Variants in ZNF362 observed in about 807,000 individuals in gnomAD.
ZNF362 encodes the protein rotund homolog.
A neutral mutation model predicts 42.9 loss-of-function variants in ZNF362; 11 were observed. That is an observed-to-expected ratio of 0.26 (90% CI 0.16 to 0.42). ZNF362 has a LOEUF of 0.42. Among genes scored for constraint, ZNF362 ranks in the 20% least tolerant of loss-of-function variants. The pLI is 1.00. For missense variants in ZNF362, 362 were observed against 576.2 expected, an observed-to-expected ratio of 0.63 and a Z score of 3.81; for synonymous variants, 255 against 257.3, an observed-to-expected ratio of 0.99 and a Z score of 0.09.
chr1:33,270,429 C>T (rs1645893863), intron 1 of ZNF362, 58 bp from the exon 2 acceptor site: 2 of 608,280 alleles, frequency 3.3e-6, no homozygotes, highest in Non-Finnish European at 3.0e-6. Flanking sequence ...TCAATGGTAG[C>T]TGGCACTTTA....
upstream of ZNF362, among the ~76,000 whole-genome samples, chr1:33,256,302 G>T (rs867244101): frequency 4.2e-5 from 6 of 142,644 alleles, no homozygotes; most frequent in Admixed American, 4.1e-4. Flanking sequence ...GCCAGCGCCC[G>T]GCGCTGCCCA....
At chr1:33,244,381 C>T in the ZNF362 span, among the ~76,000 whole-genome samples, 1 of 152,190 alleles carries the variant, frequency 6.6e-6, no homozygotes, top group Non-Finnish European at 1.5e-5. This position sits in a 1 kb window ranked among gnomAD's most constrained non-coding sequence, Gnocchi z 4.0. Flanking sequence ...CACCGGAATG[C>T]CCTCACTAAC....
the ZNF362 span, among the ~76,000 whole-genome samples, chr1:33,159,029 G>T: frequency 6.6e-6 from 1 of 151,824 alleles, no homozygotes; most frequent in East Asian, 1.9e-4. The surrounding 1 kb of genome is among the most constrained non-coding windows in gnomAD (Gnocchi z 4.2). Flanking sequence ...TTTTTTAGTA[G>T]AGACGGGGTT....
chr1:33,185,499 G>T, the ZNF362 span, among the ~76,000 whole-genome samples: 2 of 152,182 alleles, frequency 1.3e-5, no homozygotes, highest in African/African-American at 4.8e-5. Flanking sequence ...TGGGATTATA[G>T]GTGTGAGCCA....
the ZNF362 span, among the ~76,000 whole-genome samples, chr1:33,213,473 C>T: frequency 1.3e-5 from 2 of 152,048 alleles, no homozygotes; most frequent in South Asian, 2.1e-4. Flanking sequence ...AACAAAGAAG[C>T]TGGTAAATGT....
upstream of ZNF362, among the ~76,000 whole-genome samples, chr1:33,251,501 C>T (rs530592080): frequency 6.6e-6 from 1 of 152,306 alleles, no homozygotes; most frequent in East Asian, 1.9e-4. Context: ...CCAGCCCATT[C>T]TCTCCTCAGC....
the ZNF362 span, among the ~76,000 whole-genome samples, chr1:33,205,017 A>G: frequency 6.6e-6 from 1 of 152,190 alleles, no homozygotes; most frequent in Non-Finnish European, 1.5e-5. Context: ...TAAAGACTCA[A>G]ATAAATGGGA....
the ZNF362 span, among the ~76,000 whole-genome samples, chr1:33,240,894 CT>C: frequency 1.3e-5 from 2 of 152,312 alleles, no homozygotes; most frequent in East Asian, 3.9e-4. Flanking sequence ...TTCAATCTCA[CT>C]TTGCTGGTGG....
chr1:33,154,248 A>G, the ZNF362 span, among the ~76,000 whole-genome samples: 1 of 150,830 alleles, frequency 6.6e-6, no homozygotes, highest in Non-Finnish European at 1.5e-5. Context: ...CTGGGAGGCA[A>G]AAGTGCATCC....
At chr1:33,243,152 T>TGTTATGTTATGTTAC in the ZNF362 span, among the ~76,000 whole-genome samples, 5 of 150,468 alleles carry the variant, frequency 3.3e-5, no homozygotes, top group African/African-American at 1.2e-4. Context: ...TGTTATGTTA[T>TGTTATGTTATGTTAC]GTTATGTTGT....
chr1:33,220,668 G>A, the ZNF362 span, among the ~76,000 whole-genome samples: 2 of 152,250 alleles, frequency 1.3e-5, no homozygotes, highest in African/African-American at 4.8e-5. Context: ...TTCTACCACT[G>A]CCCAGCCAGG....
the ZNF362 span, chr1:33,181,548 G>T: frequency 1.4e-6 from 2 of 1,425,852 alleles, no homozygotes; most frequent in Non-Finnish European, 9.1e-7. This position sits in a 1 kb window ranked among gnomAD's most constrained non-coding sequence, Gnocchi z 6.5. Context: ...GCACAGGCAG[G>T]GGTAGGAGCT....
chr1:33,277,671 G>T (rs1220938219), intron 4 of ZNF362, among the ~76,000 whole-genome samples: 1 of 152,192 alleles, frequency 6.6e-6, no homozygotes. Flanking sequence ...TACATTGTGG[G>T]AGAAGAGAGG....
At chr1:33,142,453 G>A in the ZNF362 span, 31,378 of 152,166 alleles carry the variant, frequency 0.21, 3,400 homozygotes, top group South Asian at 0.3. Context: ...GGGACCTAAC[G>A]TTAGACTTAC....
the ZNF362 span, among the ~76,000 whole-genome samples, chr1:33,219,786 C>T: frequency 7.2e-5 from 11 of 152,276 alleles, no homozygotes; most frequent in African/African-American, 2.6e-4. Flanking sequence ...CTCCCCATCT[C>T]TCACACCTGA....
the ZNF362 span, among the ~76,000 whole-genome samples, chr1:33,222,534 G>A: frequency 6.6e-6 from 1 of 152,100 alleles, no homozygotes; most frequent in East Asian, 1.9e-4. Flanking sequence ...CACTGCTTGT[G>A]TAAAATTTTC....
chr1:33,189,671 A>ATATATATATG, the ZNF362 span, among the ~76,000 whole-genome samples: 10 of 105,052 alleles, frequency 9.5e-5, no homozygotes, highest in African/African-American at 3.6e-4. Flanking sequence ...ATATATATAT[A>ATATATATATG]TGTATATATA....
the ZNF362 span, among the ~76,000 whole-genome samples, chr1:33,214,640 C>G: frequency 6.6e-6 from 1 of 152,076 alleles, no homozygotes; most frequent in African/African-American, 2.4e-5. Flanking sequence ...GCTCAGACAA[C>G]TTGATCAGAA....
chr1:33,269,116 G>A (rs897556125), intron 1 of ZNF362, among the ~76,000 whole-genome samples: 2 of 152,090 alleles, frequency 1.3e-5, no homozygotes, highest in Non-Finnish European at 2.9e-5. Flanking sequence ...CCTCCAAGTT[G>A]TGCTTTGAGG....
Sources: gnomAD v4.1 joint callset for allele counts (sites outside exome capture counted in the v4.1 genomes callset) on GRCh38, gnomAD v4.1.1 for gene constraint, Gnocchi (gnomAD v3.1) non-coding constraint, MANE v1.5 for transcripts, NCBI Gene and HGNC (gene_info 2026-07-23, HGNC 2026-07-21) for gene names.